RBFOX1: variants seen among roughly 807,000 people sequenced by gnomAD.
The protein encoded by RBFOX1 is RNA binding protein fox-1 homolog 1.
A neutral mutation model predicts 57.7 loss-of-function variants in RBFOX1; 8 were observed. That is an observed-to-expected ratio of 0.14 (90% CI 0.08 to 0.25). RBFOX1 has a LOEUF of 0.25. RBFOX1 is among the 10% of genes least tolerant of loss of function. The pLI, the probability that RBFOX1 is intolerant of heterozygous loss-of-function variation, is 1.00. For synonymous variants in RBFOX1, 326 were observed against 222.4 expected (o/e 1.47, Z -4.15); for missense variants, 611 against 548.5 (o/e 1.11, Z -1.14).
intron 1 of RBFOX1, among the ~76,000 whole-genome samples, chr16:6,248,851 A>G (rs1347609638): frequency 1.3e-5 from 2 of 152,124 alleles, no homozygotes; most frequent in Admixed American, 1.3e-4. Context: ...TAAATACGTC[A>G]ACACATGAAA....
intron 1 of RBFOX1, among the ~76,000 whole-genome samples, chr16:5,378,760 G>A (rs546341267): frequency 2.0e-5 from 3 of 151,566 alleles, no homozygotes; most frequent in Non-Finnish European, 4.4e-5. Flanking sequence ...CTGTAAAATG[G>A]GAGATAATGC....
At chr16:6,009,945 T>TTACA (rs772382656) in intron 4 of RBFOX1, among the ~76,000 whole-genome samples, 96 of 152,164 alleles carry the variant, frequency 6.3e-4, no homozygotes, top group Non-Finnish European at 7.8e-4. Context: ...CAGATGAGTC[T>TTACA]TACATACACT....
intron 2 of RBFOX1, among the ~76,000 whole-genome samples, chr16:5,473,668 A>G (rs1185774505): frequency 1.1e-5 from 1 of 89,934 alleles, no homozygotes; most frequent in Admixed American, 1.7e-4. Flanking sequence ...GAAGGAAGGA[A>G]GGATGGGTGG....
chr16:6,964,504 C>G (rs2083681108), intron 3 of RBFOX1, among the ~76,000 whole-genome samples: 1 of 152,032 alleles, frequency 6.6e-6, no homozygotes, highest in Non-Finnish European at 1.5e-5. Flanking sequence ...CAAATTGCAC[C>G]TCTGGTAGGG....
chr16:6,966,540 T>C (rs2084208310), intron 3 of RBFOX1, among the ~76,000 whole-genome samples: 1 of 151,822 alleles, frequency 6.6e-6, no homozygotes, highest in South Asian at 2.1e-4. Context: ...GAGAGATGGA[T>C]CGAGTTATGC....
intron 10 of RBFOX1, among the ~76,000 whole-genome samples, chr16:7,623,996 G>A (rs1047059108): frequency 2.6e-5 from 4 of 152,160 alleles, no homozygotes; most frequent in Admixed American, 2.6e-4. Context: ...TACAACAGTG[G>A]ACTGAAGGAA....
intron 3 of RBFOX1, among the ~76,000 whole-genome samples, chr16:6,937,418 T>C (rs2077562339): frequency 6.6e-6 from 1 of 152,296 alleles, no homozygotes; most frequent in Admixed American, 6.5e-5. Flanking sequence ...TTTATAGTTT[T>C]CTATGTGTTG....
chr16:7,534,675 T>C (rs961974191), intron 5 of RBFOX1, among the ~76,000 whole-genome samples: 10 of 152,176 alleles, frequency 6.6e-5, no homozygotes, highest in African/African-American at 2.4e-4. Context: ...CTAAGTCTAA[T>C]GTATTTAGCC....
At chr16:5,313,158 C>G (rs745680809) in intron 1 of RBFOX1, among the ~76,000 whole-genome samples, 5 of 152,156 alleles carry the variant, frequency 3.3e-5, no homozygotes, top group Non-Finnish European at 7.4e-5. Flanking sequence ...AGAAGGAAAG[C>G]CCGGGCAGGG....
intron 4 of RBFOX1, among the ~76,000 whole-genome samples, chr16:7,344,451 TTATAAATA>T (rs1451221206): frequency 1.3e-5 from 2 of 150,290 alleles, no homozygotes; most frequent in African/African-American, 4.9e-5. Flanking sequence ...TAACACATAG[TTATAAATA>T]TATAAATATA....
rs35163906 is a variant in RBFOX1 at position 5,899,144 on chromosome 16, C to CAAA, written c.351+31829_351+31831dup. 3.0e-3 allele frequency among the ~76,000 whole-genome samples: 302 copies of CAAA among 99,964 alleles called. 3 individuals carry two copies. The highest frequency in any genetic ancestry group is 0.01 in the African/African-American group (257 of 25,004). The allele number at this position is 99,964 out of a possible 152,430, so 65.6% of individuals were successfully genotyped here. A position where few individuals can be genotyped will look rare whatever the true frequency, so the allele number is the denominator to read the frequency against. Reference sequence around the variant, plus strand: ...CAGGAAACAGAGCGAGACCCTGTCTCAAAAAAAAAAAAAAAAAAAAAATAG... The same window carrying CAAA: ...CAGGAAACAGAGCGAGACCCTGTCTCAAAAAAAAAAAAAAAAAAAAAAAAATAG... On this transcript the variant is annotated intron_variant, in intron 4 of 19. Coordinates refer to the RBFOX1 transcript ENST00000641259.
intron 3 of RBFOX1, among the ~76,000 whole-genome samples, chr16:6,804,744 C>T (rs1355822952): frequency 6.6e-6 from 1 of 152,086 alleles, no homozygotes; most frequent in Non-Finnish European, 1.5e-5. Flanking sequence ...CATGAGAGCC[C>T]TAGAATGGGA....
At chr16:6,500,916 C>A (rs1345394516) in intron 2 of RBFOX1, among the ~76,000 whole-genome samples, 2 of 24,820 alleles carry the variant, frequency 8.1e-5, no homozygotes, top group African/African-American at 1.5e-4. Context: ...CTGAGACATC[C>A]TCTGTCCCTT....
At chr16:6,900,363 C>T (rs1043698421) in intron 3 of RBFOX1, among the ~76,000 whole-genome samples, 1 of 152,340 alleles carries the variant, frequency 6.6e-6, no homozygotes, top group South Asian at 2.1e-4. Context: ...AGGGATCCTT[C>T]TGTAACCTCT....
At chr16:7,045,546 C>T (rs948708263) in intron 3 of RBFOX1, among the ~76,000 whole-genome samples, 3 of 152,170 alleles carry the variant, frequency 2.0e-5, no homozygotes, top group Admixed American at 6.5e-5. Flanking sequence ...AGTCAGAGGT[C>T]AGTAGGCCCC....
intron 3 of RBFOX1, among the ~76,000 whole-genome samples, chr16:6,804,564 C>T (rs1465947670): frequency 6.6e-6 from 1 of 152,110 alleles, no homozygotes; most frequent in Non-Finnish European, 1.5e-5. Flanking sequence ...TTGTATGTGG[C>T]TACTGTGGAA....
At chr16:7,567,364 C>CAT (rs1361481317) in intron 5 of RBFOX1, among the ~76,000 whole-genome samples, 2 of 71,428 alleles carry the variant, frequency 2.8e-5, no homozygotes, top group African/African-American at 1.1e-4. Context: ...TATATATGGC[C>CAT]CTATATATAT....
intron 3 of RBFOX1, among the ~76,000 whole-genome samples, chr16:5,731,374 G>A (rs926648221): frequency 6.6e-6 from 1 of 152,138 alleles, no homozygotes; most frequent in African/African-American, 2.4e-5. Flanking sequence ...TATTTACAAA[G>A]TACTTTCTTT....
chr16:7,590,087 G>T (rs2094361109), intron 7 of RBFOX1, among the ~76,000 whole-genome samples: 1 of 152,056 alleles, frequency 6.6e-6, no homozygotes, highest in East Asian at 1.9e-4. Context: ...ACAACAGTGA[G>T]ACCCCATCTC....
Sources: allele counts gnomAD v4.1 joint callset (sites outside exome capture counted in the v4.1 genomes callset), GRCh38; gene constraint gnomAD v4.1.1; transcripts MANE v1.5; gene names NCBI Gene and HGNC (gene_info 2026-07-23, HGNC 2026-07-21).